Variants in GPNMB observed in about 807,000 individuals in gnomAD.
GPNMB encodes transmembrane glycoprotein NMB.
GPNMB carries 71 observed loss-of-function variants against 57.3 expected under a neutral mutation model. That is an observed-to-expected ratio of 1.24 (90% CI 1.02 to 1.51). The LOEUF is 1.51. GPNMB is among the 40% of genes most tolerant of loss of function. The pLI, the probability that GPNMB is intolerant of heterozygous loss-of-function variation, is 0.00. For synonymous variants in GPNMB, 253 were observed against 263.2 expected, an observed-to-expected ratio of 0.96 and a Z score of 0.38; for missense variants, 677 against 691.9, an observed-to-expected ratio of 0.98 and a Z score of 0.24.
chr7:23,246,866 T>G lies in GPNMB; in HGVS notation c.9T>G (p.Cys3Trp). Residue 3 changes from cysteine (C) to tryptophan (W), a missense_variant, in exon 1 of 11, where the codon TGT (cysteine) becomes TGG (tryptophan). By Grantham distance (215) the Cys-to-Trp change is radical. Transcript: ENST00000258733. ...GTCCGTGAGAATTCAGCATGGAATG[T>G]CTCTACTATTTCCTGGGATTTCTGC... ME[C>W]LYYFLGFLLL... 1 of 1,613,528 alleles carries G rather than the reference T, an allele frequency of 6.2e-7. No individual in the cohort carries two copies. Among genetic ancestry groups the G allele is most frequent in the South Asian group, 1.1e-5 (1 of 91,052 alleles).
rs1432050888 is a variant in GPNMB at position 23,253,312 on chromosome 7, C to T, written c.76C>T (p.His26Tyr). The change falls in exon 2 of 11, where the codon CAT (histidine) becomes TAT (tyrosine). Residue 26 changes from histidine to tyrosine, a missense_variant. By Grantham distance (83) the His-to-Tyr change is moderately conservative (BLOSUM62 2). Transcript: ENST00000258733. ...TGTTTCGAATATTGATACAGGATTT[C>T]ATGATGTGCTGGGCAATGAAAGACC... ...RLPLDAAKRF[H>Y]DVLGNERPSA... The T allele has an allele frequency of 6.2e-7, 1 of 1,612,574 alleles. No individual in the cohort carries two copies. The highest frequency in any genetic ancestry group is 8.5e-7 in the Non-Finnish European group (1 of 1,179,180).
intron 1 of GPNMB, 200 bp downstream of exon 1, chr7:23,247,127 G>A: frequency 1.7e-6 from 1 of 586,532 alleles, no homozygotes; most frequent in Non-Finnish European, 3.0e-6. Context: ...CTTTGCTTTC[G>A]GCTCATGGAA....
intron 1 of GPNMB, chr7:23,247,867 C>CCCGG (rs894240317): frequency 2.9e-4 from 44 of 152,438 alleles, no homozygotes; most frequent in African/African-American, 9.9e-4. Flanking sequence ...GCAGCACGTT[C>CCCGG]CCGGCCCGCA....
At chr7:23,258,222 T>A (rs759638798) in intron 4 of GPNMB, among the ~76,000 whole-genome samples, 3 of 152,222 alleles carry the variant, frequency 2.0e-5, no homozygotes, top group Non-Finnish European at 4.4e-5. Context: ...TTGCTACCAA[T>A]CAAGCAGCCT....
chr7:23,256,435 G>T (rs185125008), intron 3 of GPNMB, among the ~76,000 whole-genome samples: 3 of 152,228 alleles, frequency 2.0e-5, no homozygotes, highest in Admixed American at 1.3e-4. Context: ...CCTTGATTGG[G>T]GTGATAATGG....
chr7:23,266,881 C>T (rs156428), intron 7 of GPNMB, among the ~76,000 whole-genome samples: 7,288 of 152,268 alleles, frequency 0.048, 255 homozygotes, highest in South Asian at 0.11. Context: ...TGTATCCCGC[C>T]TCTGCAGCCC....
rs755828546 is a variant in GPNMB at position 23,260,520 on chromosome 7, C to T, written c.765C>T (p.Phe255=). The change falls in exon 6 of 11, where the codon TTC becomes TTT. Residue 255 remains phenylalanine (F), a synonymous_variant. Transcript: ENST00000258733. The stretch of plus-strand genomic sequence containing the variant: ...ATCGAAATTCATCCGACGAAACCTT[C>T]CTCAAAGATCTCCCCATTATGTTTG... ...KNDRNSSDET[F]LKDLPIMFDV... The T allele has an allele frequency of 6.2e-7, 1 of 1,613,834 alleles. No individual in the cohort carries two copies. The highest frequency in any genetic ancestry group is 8.5e-7 in the Non-Finnish European group (1 of 1,179,766).
chr7:23,271,221 G>A (rs557412856), intron 9 of GPNMB, among the ~76,000 whole-genome samples: 1 of 152,342 alleles, frequency 6.6e-6, no homozygotes, highest in Non-Finnish European at 1.5e-5. Flanking sequence ...ATGACAGGAG[G>A]CAGAGCTTGG....
intron 5 of GPNMB, 49 bp downstream of exon 5, chr7:23,260,187 C>G (rs760937296): frequency 6.3e-7 from 1 of 1,586,548 alleles, no homozygotes; most frequent in South Asian, 1.1e-5. Context: ...ATTCTGTTGA[C>G]GTCAATGGGT....
At chr7:23,266,245 G>A (rs568027270) in intron 6 of GPNMB, 50 of 407,150 alleles carry the variant, frequency 1.2e-4, no homozygotes, top group African/African-American at 8.8e-4. Context: ...CACTGCACCC[G>A]GCCAGTTTCA....
chr7:23,268,362 C>T (rs1459252996), intron 8 of GPNMB, among the ~76,000 whole-genome samples: 1 of 152,200 alleles, frequency 6.6e-6, no homozygotes, highest in Non-Finnish European at 1.5e-5. Context: ...CAAAACTTGC[C>T]TACCAATGGA....
At position 23,274,883 on chromosome 7, in the gene GPNMB, C is replaced by A. The variant is rs924101377; in HGVS notation, c.*659C>A. On this transcript the variant is annotated 3_prime_UTR_variant, in exon 11 of 11. Coordinates refer to ENST00000258733, the MANE Select transcript of GPNMB (RefSeq NM_002510.3). ...TAGTTAGTGCTTTTTATATACCAGG[C>A]ATGATGCTGAGTGACACTCTTGTGT... 1 of 152,084 alleles carries A rather than the reference C, an allele frequency of 6.6e-6. No individual in the cohort carries two copies. Among genetic ancestry groups the A allele is most frequent in the Non-Finnish European group, 1.5e-5 (1 of 68,010 alleles). The allele number at this position is 152,084 out of a possible 1,614,324, so 9.4% of individuals were successfully genotyped here. A position where few individuals can be genotyped will look rare whatever the true frequency, so the allele number is the denominator to read the frequency against.
chr7:23,249,223 T>G (rs945485405), intron 1 of GPNMB, among the ~76,000 whole-genome samples: 7 of 151,988 alleles, frequency 4.6e-5, no homozygotes, highest in Admixed American at 4.6e-4. Flanking sequence ...CATCCGGCCT[T>G]TATTTTTAAA....
intron 4 of GPNMB, among the ~76,000 whole-genome samples, chr7:23,259,564 G>A (rs1000308499): frequency 5.9e-5 from 9 of 151,998 alleles, no homozygotes; most frequent in Non-Finnish European, 1.2e-4. Flanking sequence ...ATAATATAGC[G>A]GAAATAGTAA....
At chr7:23,256,243 ATTG>A (rs1274089809) in intron 3 of GPNMB, among the ~76,000 whole-genome samples, 3 of 152,140 alleles carry the variant, frequency 2.0e-5, no homozygotes, top group Non-Finnish European at 2.9e-5. Context: ...TATACAACAA[ATTG>A]TTGTTAACTA....
rs1017357823 is a variant in GPNMB at position 23,275,018 on chromosome 7, A to G, written c.*794A>G. On this transcript the variant is annotated 3_prime_UTR_variant, in exon 11 of 11. Transcript: ENST00000258733. Reference sequence around the variant, plus strand: ...TGGCAACTTGATCAGTAAGGATTTCACCTCTGTTTGTAACTAAAACCATCT... The same window carrying G: ...TGGCAACTTGATCAGTAAGGATTTCGCCTCTGTTTGTAACTAAAACCATCT... The G allele has an allele frequency of 2.6e-5, 4 of 151,934 alleles. No homozygotes were observed. The highest frequency in any genetic ancestry group is 9.7e-5 in the African/African-American group (4 of 41,378). The allele number at this position is 151,934 out of a possible 1,614,324, so 9.4% of individuals were successfully genotyped here.
At chr7:23,263,614 A>G (rs1345620806) in intron 6 of GPNMB, among the ~76,000 whole-genome samples, 2 of 129,446 alleles carry the variant, frequency 1.5e-5, no homozygotes, top group Admixed American at 1.5e-4. Flanking sequence ...CTCTGTCTCA[A>G]AAAAAAAAAA....
chr7:23,254,351 G>T (rs370286498), intron 3 of GPNMB, 39 bp downstream of exon 3: 2 of 1,559,508 alleles, frequency 1.3e-6, no homozygotes, highest in South Asian at 1.1e-5. Context: ...TGGAGACCCA[G>T]TTTCTAAACC....
In GPNMB at chr7:23,266,477, G is replaced by A. The variant is rs768088459; in HGVS notation, c.1019-40G>A. The A allele has an allele frequency of 2.0e-5, 32 of 1,595,272 alleles. No homozygotes were observed. The African/African-American group carries it at 2.0e-4, about 10-fold the overall frequency. On this transcript the variant is annotated intron_variant, in intron 6 of 10. Coordinates refer to ENST00000258733, the MANE Select transcript of GPNMB (RefSeq NM_002510.3). ...TATATCACATGTATCTTTTATGTTC[G>A]TAGCAACTACTCTAAAATCTTATGA...
Sources: allele counts gnomAD v4.1 joint callset (sites outside exome capture counted in the v4.1 genomes callset), GRCh38; gene constraint gnomAD v4.1.1; transcripts MANE v1.5; gene names NCBI Gene and HGNC (gene_info 2026-07-23, HGNC 2026-07-21).